Variants in ZFHX3 observed in about 807,000 individuals in gnomAD.
ZFHX3 encodes zinc finger homeobox protein 3.
A neutral mutation model predicts 279.1 loss-of-function variants in ZFHX3; 42 were observed. The ratio of observed to expected loss-of-function variants is 0.15; its 90% CI spans 0.12 to 0.19. The LOEUF (loss-of-function observed/expected upper bound fraction) is 0.19, where lower values mean the gene tolerates loss of function less well. ZFHX3 is among the 10% of genes least tolerant of loss of function. ZFHX3 has a pLI of 1.00. For missense variants in ZFHX3, 4,981 were observed against 4,754.0 expected (o/e 1.05, Z -1.40); for synonymous variants, 2,293 against 1,957.8 (o/e 1.17, Z -4.52).
chr16:73,537,358 C>T, intron 2 of ZFHX3, among the ~76,000 whole-genome samples: 1 of 139,996 alleles, frequency 7.1e-6, no homozygotes, highest in Admixed American at 7.9e-5. Context: ...ACTCTGTTGC[C>T]CAGGCTGGAG....
chr16:73,414,269 G>A (rs978864640), intron 3 of ZFHX3, among the ~76,000 whole-genome samples: 1 of 152,214 alleles, frequency 6.6e-6, no homozygotes, highest in Non-Finnish European at 1.5e-5. Context: ...AACCCACACA[G>A]AGATAATTTC....
At chr16:73,472,827 C>T (rs1456885030) in intron 2 of ZFHX3, among the ~76,000 whole-genome samples, 1 of 152,186 alleles carries the variant, frequency 6.6e-6, no homozygotes, top group Admixed American at 6.5e-5. Flanking sequence ...TCTCCCTCAG[C>T]TGCAGGTCTC....
At chr16:73,527,618 G>A (rs769173488) in intron 2 of ZFHX3, among the ~76,000 whole-genome samples, 12 of 152,198 alleles carry the variant, frequency 7.9e-5, no homozygotes, top group Admixed American at 2.0e-4. Flanking sequence ...CACTTCTGAG[G>A]CTAAGCTACT....
chr16:73,048,714 G>C (rs113087763), upstream of ZFHX3, among the ~76,000 whole-genome samples: 2 of 152,244 alleles, frequency 1.3e-5, no homozygotes, highest in African/African-American at 2.4e-5. Context: ...ATGTGGACAG[G>C]AATTTATTGG....
At chr16:72,898,026 G>A (rs908953537) in intron 3 of ZFHX3, among the ~76,000 whole-genome samples, 25 of 152,202 alleles carry the variant, frequency 1.6e-4, no homozygotes, top group Non-Finnish European at 1.3e-4. Flanking sequence ...CAGGGGTAAC[G>A]CAACCAGGAG....
intron 1 of ZFHX3, among the ~76,000 whole-genome samples, chr16:73,774,924 AT>A (rs2054059863): frequency 2.0e-5 from 3 of 152,110 alleles, no homozygotes; most frequent in Admixed American, 6.5e-5. Context: ...TACCTTCAAA[AT>A]TCATCTTACA....
chr16:72,886,270 G>T (rs982444816), intron 4 of ZFHX3, among the ~76,000 whole-genome samples: 5 of 152,112 alleles, frequency 3.3e-5, no homozygotes, highest in Non-Finnish European at 7.4e-5. Context: ...GAGGAGTATG[G>T]TGTAGGGAGG....
chr16:73,473,339 CAAAAAAAA>C (rs11347779), intron 2 of ZFHX3, among the ~76,000 whole-genome samples: 1 of 76,658 alleles, frequency 1.3e-5, no homozygotes, highest in African/African-American at 5.9e-5. Flanking sequence ...TGTCTCAAAG[CAAAAAAAA>C]AAAAAAAAAA....
At chr16:72,908,913 A>G (rs917256900) in intron 3 of ZFHX3, among the ~76,000 whole-genome samples, 2 of 152,232 alleles carry the variant, frequency 1.3e-5, no homozygotes, top group Non-Finnish European at 2.9e-5. Context: ...GATTTTAGCT[A>G]AACTGAAGGC....
At chr16:73,461,347 A>G (rs1369972609) in intron 2 of ZFHX3, among the ~76,000 whole-genome samples, 1 of 152,168 alleles carries the variant, frequency 6.6e-6, no homozygotes, top group Admixed American at 6.5e-5. Flanking sequence ...CTCCCAGTCT[A>G]TAGCTTATCT....
At chr16:73,416,469 A>G (rs1340560395) in intron 3 of ZFHX3, among the ~76,000 whole-genome samples, 2 of 152,170 alleles carry the variant, frequency 1.3e-5, no homozygotes, top group Non-Finnish European at 2.9e-5. Context: ...CATTATGAAA[A>G]TTAATTTCTA....
intron 1 of ZFHX3, among the ~76,000 whole-genome samples, chr16:73,016,414 T>C (rs1174026645): frequency 6.6e-6 from 1 of 152,148 alleles, no homozygotes; most frequent in Non-Finnish European, 1.5e-5. Context: ...ATAACCACCT[T>C]TCACAAAGGG....
At chr16:73,450,388 T>A (rs2018263487) in intron 3 of ZFHX3, among the ~76,000 whole-genome samples, 2 of 152,244 alleles carry the variant, frequency 1.3e-5, no homozygotes, top group South Asian at 4.1e-4. Flanking sequence ...GTAGAAGTTT[T>A]GATGAAATTT....
At chr16:73,095,643 T>C (rs148554906) in intron 7 of ZFHX3, among the ~76,000 whole-genome samples, 82 of 152,370 alleles carry the variant, frequency 5.4e-4, no homozygotes, top group Middle Eastern at 6.8e-3. Context: ...ATTTACTTTT[T>C]GGTGATTATT....
chr16:73,687,011 AATATAT>A (rs58565282), intron 1 of ZFHX3, among the ~76,000 whole-genome samples: 584 of 52,976 alleles, frequency 0.011, 9 homozygotes, highest in Middle Eastern at 0.026. Flanking sequence ...TTTGCAGCTA[AATATAT>A]ATATATATAT....
At chr16:73,286,698 A>T (rs1485907908) in intron 4 of ZFHX3, among the ~76,000 whole-genome samples, 1 of 103,888 alleles carries the variant, frequency 9.6e-6, no homozygotes, top group Admixed American at 9.2e-5. Flanking sequence ...TGTGAGTGTG[A>T]GTGTGTGGGT....
intron 1 of ZFHX3, among the ~76,000 whole-genome samples, chr16:73,708,208 T>C (rs563163991): frequency 3.4e-4 from 52 of 152,326 alleles, no homozygotes; most frequent in African/African-American, 1.2e-3. Flanking sequence ...GGAGAAATCA[T>C]TGAAGTCTCC....
At chr16:73,705,085 C>T (rs1021283578) in intron 1 of ZFHX3, among the ~76,000 whole-genome samples, 4 of 152,024 alleles carry the variant, frequency 2.6e-5, no homozygotes, top group African/African-American at 7.3e-5. Flanking sequence ...TCACAAAAGA[C>T]GTAACCTCAA....
At chr16:73,170,902 G>T (rs963427808) in intron 5 of ZFHX3, among the ~76,000 whole-genome samples, 3 of 152,154 alleles carry the variant, frequency 2.0e-5, no homozygotes, top group African/African-American at 7.2e-5. Flanking sequence ...GTGGAAGAGG[G>T]CAGTCAGTTT....
Sources: gnomAD v4.1 joint callset for allele counts (sites outside exome capture counted in the v4.1 genomes callset) on GRCh38, gnomAD v4.1.1 for gene constraint, MANE v1.5 for transcripts, NCBI Gene and HGNC (gene_info 2026-07-23, HGNC 2026-07-21) for gene names.